Variants in WDFY1 observed in about 807,000 individuals in gnomAD.
The protein encoded by WDFY1 is WD repeat and FYVE domain containing 1.
WDFY1 carries 32 observed loss-of-function variants against 56.4 expected under a neutral mutation model. The observed-to-expected ratio is 0.57, with a 90% confidence interval of 0.43 to 0.76. The LOEUF (loss-of-function observed/expected upper bound fraction) is 0.76. Ranked by LOEUF, WDFY1 falls within the 30% of genes least tolerant of loss-of-function variation. WDFY1 has a pLI of 0.00. For synonymous variants in WDFY1, 192 were observed against 197.3 expected (o/e 0.97, Z 0.23); for missense variants, 480 against 545.7 (o/e 0.88, Z 1.20).
At position 223,918,147 on chromosome 2, in the gene WDFY1, A is replaced by G. The variant is rs1574774111; in HGVS notation, c.138-137T>C. On this transcript the variant is annotated intron_variant, in intron 1 of 11. Transcript: ENST00000233055. ...ATAAAACTAACTGGACAAACTGGAC[A>G]AATATATACATACATGTACACATAC... The G allele has an allele frequency of 5.6e-6, 4 of 714,994 alleles. No individual in the cohort carries two copies. The East Asian group carries it at 1.1e-4, about 20-fold the overall frequency. The allele number at this position is 714,994 out of a possible 1,614,324, so 44.3% of individuals were successfully genotyped here.
rs1370710436 is a variant in WDFY1, at chr2:223,878,063, C to A, written c.*608G>T. On this transcript the variant is annotated 3_prime_UTR_variant, in exon 12 of 12. Coordinates refer to ENST00000233055, the MANE Select transcript of WDFY1 (RefSeq NM_020830.5). ...GCATACTGGCTGGGAAGAGAAACAACTGAAGCAAGCCAATGCTAAGTGCAG... is the reference window on the plus strand; with the variant it reads ...GCATACTGGCTGGGAAGAGAAACAAATGAAGCAAGCCAATGCTAAGTGCAG... The A allele has an allele frequency of 6.6e-6, 1 of 152,598 alleles. No individual in the cohort carries two copies. The highest frequency in any genetic ancestry group is 2.4e-5 in the African/African-American group (1 of 41,448). The allele number at this position is 152,598 out of a possible 1,614,324, so 9.5% of individuals were successfully genotyped here.
At chr2:223,933,458 A>T (rs1193506893) in intron 1 of WDFY1, among the ~76,000 whole-genome samples, 1 of 151,940 alleles carries the variant, frequency 6.6e-6, no homozygotes, top group African/African-American at 2.4e-5. Flanking sequence ...AAACCACTCT[A>T]ATCACTGAAG....
At chr2:223,894,398 T>C in intron 7 of WDFY1, 59 bp from the exon 8 acceptor site, 11 of 1,562,346 alleles carry the variant, frequency 7.0e-6, no homozygotes, top group Non-Finnish European at 9.7e-6. Flanking sequence ...AGGAACTGTC[T>C]TCATTTAGGC....
At chr2:223,944,573 G>A (rs1356103299) in intron 1 of WDFY1, among the ~76,000 whole-genome samples, 2 of 150,446 alleles carry the variant, frequency 1.3e-5, no homozygotes, top group Admixed American at 1.3e-4. Context: ...GGGGCGCACT[G>A]GAACCGGGGT....
Position 223,880,215 on chromosome 2 carries a change from G to A in WDFY1, c.1082C>T (p.Thr361Ile). 1 of 1,614,090 alleles carries A rather than the reference G, an allele frequency of 6.2e-7. No homozygotes were observed. The highest frequency in any genetic ancestry group is 8.5e-7 in the Non-Finnish European group (1 of 1,179,968). The stretch of plus-strand genomic sequence containing the variant: ...AATGTTATGTTTTCCTTCATGAAAG[G>A]TCGCTAGAGAAGTCCGACTAACAAG... Reference protein sequence around the residue: ...IKDEDRTSLATFHEGKHNISH... With the variant: ...IKDEDRTSLAIFHEGKHNISH... Residue 361 changes from threonine (T) to isoleucine (I), a missense_variant, in exon 11 of 12, where the codon ACC (threonine) becomes ATC (isoleucine). Coordinates refer to ENST00000233055, the MANE Select transcript of WDFY1 (RefSeq NM_020830.5).
intron 1 of WDFY1, among the ~76,000 whole-genome samples, chr2:223,942,355 G>C (rs1164933738): frequency 1.3e-5 from 2 of 151,410 alleles, no homozygotes; most frequent in East Asian, 1.9e-4. Flanking sequence ...GAGTAGCTGG[G>C]ACTACAGGCG....
At chr2:223,888,441 C>T (rs972188277) in intron 8 of WDFY1, among the ~76,000 whole-genome samples, 4 of 152,080 alleles carry the variant, frequency 2.6e-5, no homozygotes, top group African/African-American at 9.7e-5. Flanking sequence ...CCAGAGCATT[C>T]CTTTAACACA....
At chr2:223,882,103 G>C in intron 9 of WDFY1, 31 bp from the exon 10 acceptor site, 1 of 1,601,832 alleles carries the variant, frequency 6.2e-7, no homozygotes. Flanking sequence ...AGGAAAACAG[G>C]GTGTTAGCTT....
intron 8 of WDFY1, among the ~76,000 whole-genome samples, chr2:223,889,314 A>T (rs1484402201): frequency 6.6e-6 from 1 of 152,108 alleles, no homozygotes; most frequent in Non-Finnish European, 1.5e-5. Context: ...TGGCTCTGCC[A>T]CTTGTCAGCA....
intron 3 of WDFY1, among the ~76,000 whole-genome samples, chr2:223,908,882 C>T (rs73994420): frequency 0.04 from 6,117 of 152,260 alleles, 398 homozygotes; most frequent in African/African-American, 0.14. Flanking sequence ...TATTTCAACA[C>T]ACACCTTTAT....
At chr2:223,891,954 T>C (rs1048747239) in intron 8 of WDFY1, among the ~76,000 whole-genome samples, 3 of 152,176 alleles carry the variant, frequency 2.0e-5, no homozygotes, top group African/African-American at 7.2e-5. Flanking sequence ...AAATATAGTA[T>C]TATGCATCCT....
chr2:223,919,314 G>T (rs1383903397), intron 1 of WDFY1, among the ~76,000 whole-genome samples: 1 of 152,144 alleles, frequency 6.6e-6, no homozygotes, highest in Non-Finnish European at 1.5e-5. Context: ...GGGTTCAAGG[G>T]ATTCTCCTGC....
At chr2:223,938,377 C>CA (rs970079260) in intron 1 of WDFY1, among the ~76,000 whole-genome samples, 11 of 152,112 alleles carry the variant, frequency 7.2e-5, no homozygotes, top group African/African-American at 2.7e-4. Context: ...CAGTCCACAG[C>CA]AAAAAAGTCC....
At chr2:223,916,887 T>C (rs1478656881) in intron 2 of WDFY1, among the ~76,000 whole-genome samples, 2 of 150,864 alleles carry the variant, frequency 1.3e-5, no homozygotes, top group Non-Finnish European at 3.0e-5. Context: ...TGATTTCAGC[T>C]CACCACAACC....
rs183498177 is a variant in WDFY1, at chr2:223,926,170, A to G, written c.138-8160T>C. ...TTATAAAAAAATTTTCTTTTGAGAC[A>G]GGGTCTCCCTCGGTTACTCAGGCTG... On this transcript the variant is annotated intron_variant, in intron 1 of 11. Transcript: ENST00000233055. Among the ~76,000 whole-genome samples the G allele has an allele frequency of 5.5e-3, 844 of 152,262 alleles. 17 individuals carry two copies. The highest frequency in any genetic ancestry group is 5.4e-3 in the East Asian group (28 of 5,176).
chr2:223,942,911 A>G (rs1308483565), intron 1 of WDFY1, among the ~76,000 whole-genome samples: 1 of 150,814 alleles, frequency 6.6e-6, no homozygotes, highest in Non-Finnish European at 1.5e-5. Flanking sequence ...GCCGGACACC[A>G]GTGGATCATG....
chr2:223,934,998 T>A (rs1277165847), intron 1 of WDFY1, among the ~76,000 whole-genome samples: 2 of 151,874 alleles, frequency 1.3e-5, no homozygotes, highest in Non-Finnish European at 2.9e-5. Flanking sequence ...TGAGAAGGAG[T>A]TAATCAAGCA....
chr2:223,932,224 G>A (rs986050251), intron 1 of WDFY1, among the ~76,000 whole-genome samples: 12 of 143,468 alleles, frequency 8.4e-5, no homozygotes, highest in Non-Finnish European at 1.5e-4. Context: ...CTGGGTTCAC[G>A]CCATTCTCCT....
intron 1 of WDFY1, among the ~76,000 whole-genome samples, chr2:223,937,033 A>AT (rs776776987): frequency 3.9e-5 from 6 of 152,234 alleles, no homozygotes; most frequent in Non-Finnish European, 5.9e-5. Flanking sequence ...GTATGACTAT[A>AT]ATGTGTCAAT....
Sources: allele counts gnomAD v4.1 joint callset (sites outside exome capture counted in the v4.1 genomes callset), GRCh38; gene constraint gnomAD v4.1.1; transcripts MANE v1.5; gene names NCBI Gene and HGNC (gene_info 2026-07-23, HGNC 2026-07-21).